The following RPL3L variants were observed in gnomAD, a reference collection of about 807,000 sequenced individuals.
RPL3L encodes ribosomal protein uL3-like.
RPL3L carries 44 observed loss-of-function variants against 44.5 expected under a neutral mutation model. The observed-to-expected ratio is 0.99, with a 90% CI of 0.78 to 1.27. The LOEUF (loss-of-function observed/expected upper bound fraction) is 1.27, where lower values mean the gene tolerates loss of function less well. Ranked by LOEUF, RPL3L falls within the 50% of genes most tolerant of loss-of-function variation. The pLI is 0.00. For missense variants in RPL3L, 631 were observed against 569.1 expected, an observed-to-expected ratio of 1.11 and a Z score of -1.11; for synonymous variants, 292 against 230.7, an observed-to-expected ratio of 1.27 and a Z score of -2.41.
chr16:1,947,267 C>T lies in RPL3L; in HGVS notation c.615G>A (p.Val205=). 6.2e-7 allele frequency: 1 copy of T among 1,613,550 alleles called. No homozygotes were observed. The highest frequency in any genetic ancestry group is 1.3e-5 in the African/African-American group (1 of 75,060). ...TCTGGCTGAACACGCTGTGCACGGG[C>T]ACCTGCTTCTCCAGCCGGGCCTGGG... is the stretch of plus-strand genomic sequence containing the variant. The part of the protein sequence containing the change: ...AWAQARLEKQ[V]PVHSVFSQSE... The change falls in exon 5 of 10, where the codon GTG becomes GTA. Residue 205 remains valine, a synonymous_variant. Coordinates refer to ENST00000268661, the MANE Select transcript of RPL3L (RefSeq NM_005061.3).
chr16:1,944,231 G>A lies in RPL3L; in HGVS notation c.*606C>T, dbSNP rs1377540360. ...CACAATATTGGGAATTATGGTTTAG[G>A]AGTCGTGCATCTGGAGGCTACAAGA... On this transcript the variant is annotated 3_prime_UTR_variant, in exon 10 of 10. Transcript: ENST00000268661. 1 of 152,516 alleles carries A rather than the reference G, an allele frequency of 6.6e-6. No individual in the cohort carries two copies. The highest frequency in any genetic ancestry group is 1.5e-5 in the Non-Finnish European group (1 of 68,304). 9.4% of individuals were successfully genotyped at this position (152,516 alleles called of 1,614,324 possible).
intron 4 of RPL3L, among the ~76,000 whole-genome samples, chr16:1,949,259 C>CTTTTTTT (rs58248501): frequency 2.8e-4 from 21 of 75,256 alleles, no homozygotes; most frequent in South Asian, 5.5e-4. Flanking sequence ...TTTTTTTTTT[C>CTTTTTTT]TTTTTTTTTT....
intron 9 of RPL3L, 25 bp from the exon 10 acceptor site, chr16:1,944,918 G>A (rs1277149658): frequency 6.3e-7 from 1 of 1,583,282 alleles, no homozygotes; most frequent in South Asian, 1.1e-5. Flanking sequence ...GGTGCAGGAG[G>A]AGCCTTAGTC....
intron 4 of RPL3L, among the ~76,000 whole-genome samples, chr16:1,950,590 C>T (rs1380953166): frequency 3.3e-5 from 5 of 152,148 alleles, no homozygotes; most frequent in East Asian, 1.9e-4. Flanking sequence ...GCTGGGGACC[C>T]GGCTCTTCAG....
rs146832350 is a variant in RPL3L at position 1,947,001 on chromosome 16, C to G, written c.786G>C (p.Val262=). The change falls in exon 6 of 10, where the codon GTG becomes GTC. Residue 262 remains valine, a synonymous_variant. Coordinates refer to ENST00000268661, the MANE Select transcript of RPL3L (RefSeq NM_005061.3). ...ACIGAWHPAR[V]GCSIARAGQK... ...GCCCGGCCCGAGCAATGGAGCAGCCCACGCGGGCGGGGTGCCAGGCGCCAA... is the reference window on the plus strand; with the variant it reads ...GCCCGGCCCGAGCAATGGAGCAGCCGACGCGGGCGGGGTGCCAGGCGCCAA... 215 of 1,611,704 alleles carry G rather than the reference C, an allele frequency of 1.3e-4. No individual in the cohort carries two copies. Among genetic ancestry groups the G allele is most frequent in the Non-Finnish European group, 1.7e-4 (203 of 1,179,612 alleles).
Position 1,954,632 on chromosome 16 carries a change from G to A in RPL3L, c.-1C>T. ...CCCTCACCCTGGTCCCACCAACCAT[G>A]GTGGCCGATCCCTGAAGGTCAGGAA... is the stretch of plus-strand genomic sequence containing the variant. On this transcript the variant is annotated 5_prime_UTR_variant, in exon 1 of 10. Coordinates refer to ENST00000268661, the MANE Select transcript of RPL3L (RefSeq NM_005061.3). 6.5e-7 allele frequency: 1 copy of A among 1,549,014 alleles called. No individual in the cohort carries two copies. Among genetic ancestry groups the A allele is most frequent in the Non-Finnish European group, 8.7e-7 (1 of 1,148,456 alleles).
chr16:1,949,645 G>A lies in RPL3L; in HGVS notation c.501+1199C>T, dbSNP rs141934250. On this transcript the variant is annotated intron_variant, in intron 4 of 9. Coordinates refer to ENST00000268661, the MANE Select transcript of RPL3L (RefSeq NM_005061.3). ...TAGAGGTGGAGACAGAGAGGCCAGC[G>A]GGGAACACATAGTGACCCATAGGTA... 7.4e-4 allele frequency among the ~76,000 whole-genome samples: 110 copies of A among 149,062 alleles called. 1 individual carries two copies. The highest frequency in any genetic ancestry group is 2.5e-3 in the African/African-American group (102 of 40,110).
Position 1,951,567 on chromosome 16 carries a change from G to C in RPL3L, c.366-588C>G, listed in dbSNP as rs1597029088. Reference sequence around the variant, plus strand: ...GGCTAATTTTTTGTATTTTTTTGTAGAGACGGGTTTCGTCATGTTGCCCAG... The same window carrying C: ...GGCTAATTTTTTGTATTTTTTTGTACAGACGGGTTTCGTCATGTTGCCCAG... On this transcript the variant is annotated intron_variant, in intron 3 of 9. Transcript: ENST00000268661. Among the ~76,000 whole-genome samples, 6 of 151,908 alleles carry C rather than the reference G, an allele frequency of 3.9e-5. 1 individual carries two copies. In the East Asian group the frequency reaches 1.2e-3, roughly 29 times the overall value.
chr16:1,947,857 G>GA (rs1257246920), intron 4 of RPL3L, among the ~76,000 whole-genome samples: 1 of 152,080 alleles, frequency 6.6e-6, no homozygotes. Flanking sequence ...AGACGGTGGG[G>GA]AGCAAGGGGC....
rs1187386821 is a variant in RPL3L at position 1,947,511 on chromosome 16, T to A, written c.502-131A>T. The A allele has an allele frequency of 7.0e-6, 8 of 1,142,556 alleles. No homozygotes were observed. In the East Asian group the frequency reaches 2.1e-4, roughly 30 times the overall value. 70.8% of individuals were successfully genotyped at this position (1,142,556 alleles called of 1,614,324 possible). On this transcript the variant is annotated intron_variant, in intron 4 of 9. Coordinates refer to ENST00000268661, the MANE Select transcript of RPL3L (RefSeq NM_005061.3). The stretch of plus-strand genomic sequence containing the variant: ...ATTCACAGGTGTTCCCAGGATCAGG[T>A]TGCAACCCATGTGTTGTGCTAGGCA...
chr16:1,950,730 G>A (rs2083166176), intron 4 of RPL3L, 114 bp downstream of exon 4: 1 of 1,545,514 alleles, frequency 6.5e-7, no homozygotes, highest in South Asian at 1.1e-5. Flanking sequence ...CGCTCCTCTG[G>A]GTCTGTGCCG....
chr16:1,953,892 C>G, intron 2 of RPL3L, 64 bp downstream of exon 2: 1 of 1,403,538 alleles, frequency 7.1e-7, no homozygotes, highest in South Asian at 1.6e-5. Flanking sequence ...AGCGTGAGTT[C>G]TGGCTCCGAG....
chr16:1,953,293 C>T (rs1233699193), intron 2 of RPL3L, among the ~76,000 whole-genome samples: 2 of 152,214 alleles, frequency 1.3e-5, no homozygotes, highest in Non-Finnish European at 2.9e-5. Context: ...AATCATAGCT[C>T]ACTGCAGCCT....
At chr16:1,950,721 G>A (rs1392352966) in intron 4 of RPL3L, 123 bp downstream of exon 4, 42 of 1,486,788 alleles carry the variant, frequency 2.8e-5, no homozygotes, top group Admixed American at 1.2e-4. Flanking sequence ...CTGGTCAGCC[G>A]CTCCTCTGGG....
intron 3 of RPL3L, among the ~76,000 whole-genome samples, chr16:1,952,197 G>A (rs2083175654): frequency 6.6e-6 from 1 of 151,360 alleles, no homozygotes; most frequent in Admixed American, 6.6e-5. Context: ...TCGAACTCCT[G>A]ACCTCAAATG....
At chr16:1,950,094 GGGGGCAGGTATGGAC>G (rs2083161047) in intron 4 of RPL3L, among the ~76,000 whole-genome samples, 2 of 114,090 alleles carry the variant, frequency 1.8e-5, no homozygotes, top group East Asian at 2.8e-4. Context: ...CAGGTATGTA[GGGGGCAGGTATGGAC>G]GGGGCAGGTA....
chr16:1,945,353 T>TA (rs2083112596), intron 9 of RPL3L, 146 bp downstream of exon 9: 2 of 735,408 alleles, frequency 2.7e-6, no homozygotes, highest in Non-Finnish European at 3.7e-6. Context: ...AGACTCCATC[T>TA]CAAAAAATAA....
At position 1,954,022 on chromosome 16, in the gene RPL3L, T is replaced by C; in HGVS notation, c.130A>G (p.Thr44Ala). The C allele has an allele frequency of 6.2e-7, 1 of 1,604,802 alleles. No individual in the cohort carries two copies. The highest frequency in any genetic ancestry group is 8.5e-7 in the Non-Finnish European group (1 of 1,175,684). ...CCCGCCTTGTAGCCCAGGAAGGCCGTGAGGTGCACGGGCTGGCTGGGGTCA... is the reference window on the plus strand; with the variant it reads ...CCCGCCTTGTAGCCCAGGAAGGCCGCGAGGTGCACGGGCTGGCTGGGGTCA... ...RDDPSQPVHL[T>A]AFLGYKAGMT... The change falls in exon 2 of 10, where the codon ACG (threonine) becomes GCG (alanine). Residue 44 changes from threonine to alanine, a missense_variant. Thr to Ala is a moderately conservative substitution (Grantham distance 58). Transcript: ENST00000268661.
At position 1,945,600 on chromosome 16, in the gene RPL3L, T is replaced by C; in HGVS notation, c.1066A>G (p.Ser356Gly). ...TLRKSLLVHH[S>G]RQAVENIELK... ...TCAATATTCTCCACGGCTTGGCGAC[T>C]GTGATGCACCAGGAGGGACTGGGGA... Residue 356 changes from serine (S) to glycine (G), a missense_variant, in exon 9 of 10, where the codon AGT (serine) becomes GGT (glycine). By Grantham distance (56) the Ser-to-Gly change is moderately conservative. Transcript: ENST00000268661. 6.2e-7 allele frequency: 1 copy of C among 1,613,936 alleles called. No individual in the cohort carries two copies. Among genetic ancestry groups the C allele is most frequent in the Non-Finnish European group, 8.5e-7 (1 of 1,179,986 alleles).
Sources: allele counts gnomAD v4.1 joint callset (sites outside exome capture counted in the v4.1 genomes callset), GRCh38; gene constraint gnomAD v4.1.1; transcripts MANE v1.5; gene names NCBI Gene and HGNC (gene_info 2026-07-23, HGNC 2026-07-21).